The following HCFC2 variants were observed in gnomAD, a reference collection of about 807,000 sequenced individuals.
HCFC2 encodes the protein host cell factor C2.
HCFC2 carries 18 observed loss-of-function variants against 89.2 expected under a neutral mutation model. The observed-to-expected ratio is 0.20, with a 90% CI of 0.14 to 0.30. HCFC2 has a LOEUF of 0.30. HCFC2 is among the 10% of genes least tolerant of loss of function. The pLI, the probability that HCFC2 is intolerant of heterozygous loss-of-function variation, is 1.00. For missense variants in HCFC2, 578 were observed against 956.1 expected, an observed-to-expected ratio of 0.60 and a Z score of 5.21; for synonymous variants, 308 against 335.7, an observed-to-expected ratio of 0.92 and a Z score of 0.90.
At position 104,095,333 on chromosome 12, in the gene HCFC2, A is replaced by G. The variant is rs1884142588; in HGVS notation, c.1463-27A>G. 1 of 1,528,602 alleles carries G rather than the reference A, an allele frequency of 6.5e-7. No individual in the cohort carries two copies. 94.7% of individuals were successfully genotyped at this position (1,528,602 alleles called of 1,614,324 possible). On this transcript the variant is annotated intron_variant, in intron 10 of 14. Coordinates refer to ENST00000229330, the MANE Select transcript of HCFC2 (RefSeq NM_013320.3). The surrounding 1 kb of genome is among the most constrained non-coding windows in gnomAD (Gnocchi z 4.2). ...ACAATTATCTGCAGATATCATATTA[A>G]TAATTACCTTTTCCCTTTTATTTTA...
At chr12:104,079,861 A>C (rs1169586758) in intron 4 of HCFC2, among the ~76,000 whole-genome samples, 1 of 152,196 alleles carries the variant, frequency 6.6e-6, no homozygotes, top group Non-Finnish European at 1.5e-5. Context: ...TCTCTTGTGC[A>C]TTCTATAAAT....
chr12:104,079,956 C>G (rs1883631092), intron 4 of HCFC2, among the ~76,000 whole-genome samples: 1 of 152,178 alleles, frequency 6.6e-6, no homozygotes, highest in African/African-American at 2.4e-5. Context: ...ACAATACTCC[C>G]TTTCACTCTG....
At chr12:104,085,748 G>A (rs1460797542) in intron 7 of HCFC2, among the ~76,000 whole-genome samples, 2 of 147,192 alleles carry the variant, frequency 1.4e-5, no homozygotes, top group East Asian at 4.0e-4. Flanking sequence ...GCATTTGATA[G>A]CATGTAAAAG....
chr12:104,096,515 T>C, intron 12 of HCFC2, 82 bp downstream of exon 12: 1 of 927,280 alleles, frequency 1.1e-6, no homozygotes, highest in South Asian at 1.6e-5. Context: ...AATAATTTCA[T>C]AAAAAGATTC....
At chr12:104,089,843 G>A (rs531914914) in intron 9 of HCFC2, among the ~76,000 whole-genome samples, 1 of 152,004 alleles carries the variant, frequency 6.6e-6, no homozygotes, top group Non-Finnish European at 1.5e-5. Flanking sequence ...TTTTCTTCTT[G>A]TCTATCATTA....
At chr12:104,080,639 C>T in intron 4 of HCFC2, 107 bp from the exon 5 acceptor site, 1 of 613,462 alleles carries the variant, frequency 1.6e-6, no homozygotes, top group Admixed American at 3.4e-5. Context: ...TTCTAAAATA[C>T]TTTGTTTCAT....
rs766264313 is a variant in HCFC2, at chr12:104,066,298, G to T, written c.295G>T (p.Glu99Ter). The T allele has an allele frequency of 6.3e-7, 1 of 1,595,590 alleles. No homozygotes were observed. ...GGTTGAATATGGAAGATACAGCAAT[G>T]AGTTATATGAGTTACAAGTAAGTGT... ...GMVEYGRYSN[E>*]LYELQASRWL... Residue 99 changes from glutamate to a stop codon, truncating the protein, a stop_gained, in exon 2 of 15, where the codon GAG becomes TAG. Transcript: ENST00000229330. LOFTEE classifies it high-confidence loss of function.
intron 3 of HCFC2, among the ~76,000 whole-genome samples, chr12:104,077,273 C>G (rs1487901817): frequency 6.6e-6 from 1 of 150,680 alleles, no homozygotes; most frequent in Admixed American, 6.6e-5. Flanking sequence ...GACGGAGTCT[C>G]GTTGTGTCAC....
At chr12:104,102,191 T>C (rs748808820) in intron 14 of HCFC2, 38 bp downstream of exon 14, 3 of 1,534,624 alleles carry the variant, frequency 2.0e-6, no homozygotes, top group Non-Finnish European at 2.7e-6. Flanking sequence ...TGATTTTAAA[T>C]TATTTGAAAT....
At chr12:104,089,741 G>C (rs767242701) in intron 9 of HCFC2, among the ~76,000 whole-genome samples, 2 of 152,140 alleles carry the variant, frequency 1.3e-5, no homozygotes, top group Non-Finnish European at 2.9e-5. Flanking sequence ...AATAGTTGCA[G>C]GTGAGCCATG....
rs565690491 is a variant in HCFC2 at position 104,077,011 on chromosome 12, T to C, written c.474-2434T>C. Among the ~76,000 whole-genome samples, 3 of 152,352 alleles carry C rather than the reference T, an allele frequency of 2.0e-5. No individual in the cohort carries two copies. The East Asian group carries it at 5.8e-4, about 29-fold the overall frequency. On this transcript the variant is annotated intron_variant, in intron 3 of 14. Coordinates refer to ENST00000229330, the MANE Select transcript of HCFC2 (RefSeq NM_013320.3). ...GCGTGTTTATACATCTGTGTCTGTG[T>C]CTGTGTGTATATATATATGTTTGTA...
At chr12:104,088,168 G>C (rs2136617569) in intron 9 of HCFC2, 130 bp downstream of exon 9, 1 of 437,734 alleles carries the variant, frequency 2.3e-6, no homozygotes, top group South Asian at 6.0e-5. Flanking sequence ...AGTTATCTCT[G>C]AGGTAAACAA....
chr12:104,073,432 G>C (rs766093071), intron 3 of HCFC2, among the ~76,000 whole-genome samples: 7 of 151,836 alleles, frequency 4.6e-5, no homozygotes, highest in Admixed American at 3.3e-4. Flanking sequence ...CAAAGTGCTG[G>C]GATTACAAGC....
intron 3 of HCFC2, among the ~76,000 whole-genome samples, chr12:104,074,251 G>C (rs533189775): frequency 6.6e-6 from 1 of 152,106 alleles, no homozygotes; most frequent in Non-Finnish European, 1.5e-5. Context: ...CAGTCCCCCT[G>C]CCTCAGCCTC....
intron 13 of HCFC2, among the ~76,000 whole-genome samples, chr12:104,100,716 C>A (rs941411489): frequency 6.6e-6 from 1 of 152,030 alleles, no homozygotes; most frequent in Non-Finnish European, 1.5e-5. Flanking sequence ...TACTATTACT[C>A]CTCATATCCC....
intron 5 of HCFC2, 64 bp from the exon 6 acceptor site, chr12:104,082,436 C>A: frequency 2.0e-6 from 2 of 1,019,132 alleles, no homozygotes; most frequent in Non-Finnish European, 1.5e-6. Context: ...CTATTCTTAG[C>A]ACTTCAAATC....
intron 7 of HCFC2, among the ~76,000 whole-genome samples, chr12:104,084,737 C>T (rs1259331818): frequency 1.3e-5 from 2 of 152,056 alleles, no homozygotes; most frequent in Non-Finnish European, 2.9e-5. Context: ...AAATCTCTTG[C>T]AGTAGTCAAA....
intron 11 of HCFC2, 39 bp from the exon 12 acceptor site, chr12:104,096,321 G>T: frequency 2.9e-6 from 4 of 1,372,828 alleles, no homozygotes; most frequent in Non-Finnish European, 4.1e-6. Context: ...TATCTGATAA[G>T]TTATGTAAAT....
At chr12:104,100,409 T>C (rs2029901763) in intron 13 of HCFC2, among the ~76,000 whole-genome samples, 1 of 151,950 alleles carries the variant, frequency 6.6e-6, no homozygotes, top group Non-Finnish European at 1.5e-5. Context: ...CAAGATCCTG[T>C]CTTACAAAAA....
Sources: gnomAD v4.1 joint callset for allele counts (sites outside exome capture counted in the v4.1 genomes callset) on GRCh38, gnomAD v4.1.1 for gene constraint, Gnocchi (gnomAD v3.1) non-coding constraint, MANE v1.5 for transcripts, NCBI Gene and HGNC (gene_info 2026-07-23, HGNC 2026-07-21) for gene names.